Variants in PRKAR2B observed in about 807,000 individuals in gnomAD.
PRKAR2B encodes the protein protein kinase cAMP-dependent type II regulatory subunit beta, also known as cAMP-dependent protein kinase type II-beta regulatory subunit.
PRKAR2B carries 14 observed loss-of-function variants against 49.9 expected under a neutral mutation model. The observed-to-expected ratio is 0.28, with a 90% CI of 0.19 to 0.44. The LOEUF (loss-of-function observed/expected upper bound fraction) is 0.44, where lower values mean the gene tolerates loss of function less well. Ranked by LOEUF, PRKAR2B falls within the 20% of genes least tolerant of loss-of-function variation. PRKAR2B has a pLI of 1.00. For missense variants in PRKAR2B, 393 were observed against 537.9 expected (o/e 0.73, Z 2.67); for synonymous variants, 196 against 197.7 (o/e 0.99, Z 0.07).
rs187627993 is a variant in PRKAR2B at position 107,058,232 on chromosome 7, C to T, written c.308-12049C>T. Among the ~76,000 whole-genome samples, 458 of 152,196 alleles carry T rather than the reference C, an allele frequency of 3.0e-3. 3 individuals carry two copies. Among genetic ancestry groups the T allele is most frequent in the Non-Finnish European group, 4.8e-3 (328 of 68,020 alleles). ...GGTAATTTTTGAACAATTTAGGAAC[C>T]TGTAGGTAGAAGTATTGAAAATTGT... On this transcript the variant is annotated intron_variant, in intron 1 of 10. Transcript: ENST00000265717.
At chr7:107,052,408 A>G (rs1020319609) in intron 1 of PRKAR2B, among the ~76,000 whole-genome samples, 1 of 152,044 alleles carries the variant, frequency 6.6e-6, no homozygotes, top group Non-Finnish European at 1.5e-5. Flanking sequence ...ACAGAGGTAT[A>G]CTCTGTCTCA....
chr7:107,106,208 C>T (rs1795069381), intron 2 of PRKAR2B, among the ~76,000 whole-genome samples: 1 of 152,178 alleles, frequency 6.6e-6, no homozygotes, highest in Admixed American at 6.5e-5. Context: ...TAACCACACA[C>T]TTTTCCATAC....
intron 1 of PRKAR2B, among the ~76,000 whole-genome samples, chr7:107,066,251 G>A (rs899193378): frequency 1.3e-5 from 2 of 150,488 alleles, no homozygotes; most frequent in Admixed American, 6.6e-5. Flanking sequence ...CATACAATAT[G>A]TTTCCTATTT....
At chr7:107,097,169 A>G (rs1024850754) in intron 2 of PRKAR2B, among the ~76,000 whole-genome samples, 1 of 152,140 alleles carries the variant, frequency 6.6e-6, no homozygotes, top group African/African-American at 2.4e-5. Flanking sequence ...GTCACTAAGG[A>G]CTTGCTTTAT....
chr7:107,078,201 CAA>C (rs66861003), intron 2 of PRKAR2B: 41 of 116,910 alleles, frequency 3.5e-4, no homozygotes, highest in Admixed American at 6.3e-4. Flanking sequence ...GATACTCCAT[CAA>C]AAAAAAAAAA....
At chr7:107,080,820 TCAATGAGGGCCTA>T (rs1704257484) in intron 2 of PRKAR2B, among the ~76,000 whole-genome samples, 3 of 152,132 alleles carry the variant, frequency 2.0e-5, no homozygotes, top group Non-Finnish European at 4.4e-5. Flanking sequence ...AGTCAAATAT[TCAATGAGGGCCTA>T]CAATGTGTTG....
intron 2 of PRKAR2B, among the ~76,000 whole-genome samples, chr7:107,113,484 A>G (rs1223393239): frequency 6.6e-6 from 1 of 152,230 alleles, no homozygotes; most frequent in East Asian, 1.9e-4. Flanking sequence ...AGCAAAGTAC[A>G]AATATAGTTT....
intron 2 of PRKAR2B, among the ~76,000 whole-genome samples, chr7:107,100,016 A>T (rs187598142): frequency 1.6e-4 from 24 of 152,062 alleles, no homozygotes; most frequent in Non-Finnish European, 2.9e-5. Context: ...TATAGTCTAG[A>T]TATTAATCCC....
chr7:107,092,808 C>A (rs1794755386), intron 2 of PRKAR2B, among the ~76,000 whole-genome samples: 1 of 152,170 alleles, frequency 6.6e-6, no homozygotes, highest in African/African-American at 2.4e-5. Context: ...CACCCATTAT[C>A]ACCATCCATC....
chr7:107,132,541 AG>A (rs1795621579), intron 4 of PRKAR2B, among the ~76,000 whole-genome samples: 1 of 152,114 alleles, frequency 6.6e-6, no homozygotes, highest in South Asian at 2.1e-4. Context: ...ACTCCAGGGA[AG>A]GGGGAAAGGG....
intron 2 of PRKAR2B, among the ~76,000 whole-genome samples, chr7:107,085,746 C>T (rs949808051): frequency 1.3e-5 from 2 of 152,018 alleles, no homozygotes; most frequent in East Asian, 1.9e-4. Flanking sequence ...CTAAAGCTAC[C>T]TCTTGCTTTT....
intron 6 of PRKAR2B, among the ~76,000 whole-genome samples, chr7:107,150,089 T>G (rs1444782992): frequency 6.6e-6 from 1 of 152,146 alleles, no homozygotes; most frequent in East Asian, 1.9e-4. Flanking sequence ...AATGGTATAA[T>G]TGTTTATTAA....
intron 5 of PRKAR2B, among the ~76,000 whole-genome samples, chr7:107,143,789 G>C (rs74457173): frequency 0.11 from 16,831 of 152,172 alleles, 1,012 homozygotes; most frequent in Middle Eastern, 0.16. Context: ...AAATTATATT[G>C]AGGCTGTGTG....
intron 2 of PRKAR2B, among the ~76,000 whole-genome samples, chr7:107,104,443 T>C (rs974337040): frequency 6.6e-6 from 1 of 152,342 alleles, no homozygotes; most frequent in East Asian, 1.9e-4. Context: ...GGTGAGAATG[T>C]ATCCCATGTA....
At chr7:107,147,361 C>A (rs1051918904) in intron 6 of PRKAR2B, among the ~76,000 whole-genome samples, 15 of 152,296 alleles carry the variant, frequency 9.8e-5, no homozygotes, top group Admixed American at 3.9e-4. Flanking sequence ...TGATCAGAAT[C>A]TTCAGCACTG....
intron 2 of PRKAR2B, among the ~76,000 whole-genome samples, chr7:107,101,160 T>G (rs10228716): frequency 4.0e-5 from 5 of 126,504 alleles, no homozygotes; most frequent in East Asian, 2.1e-4. Context: ...TTTTTTTTTG[T>G]AGCTTGTCTA....
intron 6 of PRKAR2B, among the ~76,000 whole-genome samples, chr7:107,147,877 G>A (rs1584453609): frequency 1.3e-5 from 2 of 152,158 alleles, no homozygotes; most frequent in East Asian, 1.9e-4. Context: ...ACTGTATATA[G>A]CATTGTGGAA....
intron 4 of PRKAR2B, among the ~76,000 whole-genome samples, chr7:107,138,893 G>T (rs1795746146): frequency 6.6e-6 from 1 of 151,940 alleles, no homozygotes; most frequent in Admixed American, 6.6e-5. Context: ...TGCCCAGGCT[G>T]GTCTCACACT....
chr7:107,065,752 A>AT (rs1419982301), intron 1 of PRKAR2B, among the ~76,000 whole-genome samples: 1 of 152,160 alleles, frequency 6.6e-6, no homozygotes, highest in African/African-American at 2.4e-5. Context: ...TTCTGCAGGT[A>AT]TTTACTCAGC....
Sources: allele counts gnomAD v4.1 joint callset (sites outside exome capture counted in the v4.1 genomes callset), GRCh38; gene constraint gnomAD v4.1.1; transcripts MANE v1.5; gene names NCBI Gene and HGNC (gene_info 2026-07-23, HGNC 2026-07-21).